The following EPB41L4A variants were observed in gnomAD, a reference collection of about 807,000 sequenced individuals.
EPB41L4A encodes the protein band 4.1-like protein 4A.
In EPB41L4A, 100 loss-of-function variants were observed where a neutral mutation model predicts 108.6. The observed-to-expected ratio is 0.92, with a 90% CI of 0.78 to 1.09. The LOEUF is 1.09. Among genes scored for constraint, EPB41L4A ranks in the 50% least tolerant of loss-of-function variants. The pLI, the probability that EPB41L4A is intolerant of heterozygous loss-of-function variation, is 0.00. For synonymous variants in EPB41L4A, 319 were observed against 289.0 expected (o/e 1.10, Z -1.05); for missense variants, 1,030 against 842.7 (o/e 1.22, Z -2.75).
chr5:112,253,219 C>T (rs1449291731), intron 9 of EPB41L4A, among the ~76,000 whole-genome samples: 1 of 152,102 alleles, frequency 6.6e-6, no homozygotes, highest in Non-Finnish European at 1.5e-5. Flanking sequence ...AACTTGACAG[C>T]CAACGAGGGA....
rs899936187 is a variant in EPB41L4A, at chr5:112,400,440, G to A, written c.99+18501C>T. Among the ~76,000 whole-genome samples, 3 of 152,060 alleles carry A rather than the reference G, an allele frequency of 2.0e-5. No homozygotes were observed. In the East Asian group the frequency reaches 5.8e-4, roughly 29 times the overall value. ...ACAGTTCTACAGGCAGTACAAGCAC[G>A]GCACAGCATCTGCTTGGCTTCTGGG... On this transcript the variant is annotated intron_variant, in intron 1 of 22. Coordinates refer to ENST00000261486, the MANE Select transcript of EPB41L4A (RefSeq NM_022140.5).
At chr5:112,276,121 C>T (rs1193267134) in intron 3 of EPB41L4A, among the ~76,000 whole-genome samples, 1 of 151,982 alleles carries the variant, frequency 6.6e-6, no homozygotes, top group South Asian at 2.1e-4. Flanking sequence ...CCTTTTTTTA[C>T]AGGAAAAAAG....
chr5:112,153,862 CTTA>C (rs1197777529), intron 12 of EPB41L4A, among the ~76,000 whole-genome samples: 2 of 150,902 alleles, frequency 1.3e-5, no homozygotes, highest in African/African-American at 2.4e-5. Flanking sequence ...AGTTTTATTA[CTTA>C]TTATTTATTA....
rs570169672 is a variant in EPB41L4A at position 112,382,404 on chromosome 5, C to T, written c.99+36537G>A. On this transcript the variant is annotated intron_variant, in intron 1 of 22. Coordinates refer to ENST00000261486, the MANE Select transcript of EPB41L4A (RefSeq NM_022140.5). ...GATGATATGACTATACCTGCAATGA[C>T]GACAAAGACTGCAGCCCAGAGTGGA... Among the ~76,000 whole-genome samples the T allele has an allele frequency of 7.2e-4, 110 of 152,146 alleles. 1 individual carries two copies. The highest frequency in any genetic ancestry group is 1.4e-3 in the Non-Finnish European group (96 of 68,042).
intron 12 of EPB41L4A, among the ~76,000 whole-genome samples, chr5:112,151,825 G>T (rs1388701801): frequency 2.0e-5 from 3 of 151,998 alleles, no homozygotes; most frequent in Non-Finnish European, 4.4e-5. Context: ...CCGCCTCCCG[G>T]ATTCAAGCTA....
intron 1 of EPB41L4A, among the ~76,000 whole-genome samples, chr5:112,371,128 T>C (rs897238659): frequency 2.6e-5 from 4 of 152,230 alleles, no homozygotes; most frequent in African/African-American, 9.6e-5. Flanking sequence ...AACTGTGGTA[T>C]AAACAATACA....
Position 112,208,244 on chromosome 5 carries a change from C to CAA in EPB41L4A, c.1178+1646_1178+1647dup, listed in dbSNP as rs68152475. Among the ~76,000 whole-genome samples, 243 of 85,032 alleles carry CAA rather than the reference C, an allele frequency of 2.9e-3. 10 individuals are homozygous for CAA. Among genetic ancestry groups the CAA allele is most frequent in the East Asian group, 8.8e-3 (23 of 2,610 alleles). 55.8% of individuals were successfully genotyped at this position (85,032 alleles called of 152,430 possible). A position where few individuals can be genotyped will look rare whatever the true frequency, so the allele number is the denominator to read the frequency against. ...CTGGCAACAGAGGGAGACTCCATCT[C>CAA]AAAAAAAAAAAAAAAAAAAGACACA... On this transcript the variant is annotated intron_variant, in intron 13 of 22. Coordinates refer to ENST00000261486, the MANE Select transcript of EPB41L4A (RefSeq NM_022140.5).
At chr5:112,418,382 T>A (rs1375748039) in intron 1 of EPB41L4A, among the ~76,000 whole-genome samples, 2 of 152,214 alleles carry the variant, frequency 1.3e-5, no homozygotes, top group Admixed American at 1.3e-4. Context: ...CTTTGAGAGA[T>A]GTTTACTTAA....
chr5:112,186,223 A>G (rs1386877578), intron 17 of EPB41L4A, among the ~76,000 whole-genome samples: 1 of 152,154 alleles, frequency 6.6e-6, no homozygotes, highest in African/African-American at 2.4e-5. Flanking sequence ...GCGTCTAAAT[A>G]TTTTTGAGAG....
chr5:112,348,718 G>A (rs1009251807), intron 1 of EPB41L4A, among the ~76,000 whole-genome samples: 3 of 152,190 alleles, frequency 2.0e-5, no homozygotes, highest in African/African-American at 7.2e-5. Flanking sequence ...CCAAATATCT[G>A]TTAGGGATTC....
At chr5:112,362,093 G>C (rs1758804588) in intron 1 of EPB41L4A, among the ~76,000 whole-genome samples, 1 of 151,954 alleles carries the variant, frequency 6.6e-6, no homozygotes, top group African/African-American at 2.4e-5. Context: ...CACAATCATA[G>C]CATTAATTTT....
At chr5:112,404,239 A>G (rs1454808018) in intron 1 of EPB41L4A, among the ~76,000 whole-genome samples, 3 of 152,234 alleles carry the variant, frequency 2.0e-5, no homozygotes, top group African/African-American at 7.2e-5. Flanking sequence ...TTTGGCATTT[A>G]CCATGTTATC....
intron 2 of EPB41L4A, among the ~76,000 whole-genome samples, chr5:112,306,300 A>T (rs1033569976): frequency 1.3e-5 from 2 of 152,150 alleles, no homozygotes; most frequent in African/African-American, 4.8e-5. Context: ...ACTTCTAAAC[A>T]TGTCTGTTCC....
rs1157451641 is a variant in EPB41L4A, at chr5:112,351,848, CA to C, written c.100-44359del. On this transcript the variant is annotated intron_variant, in intron 1 of 22. Transcript: ENST00000261486. ...GCATGCAAGGATGAGTCAATAAACG[CA>C]AATCAATAAATGTGATACGTTCCAT... is the stretch of plus-strand genomic sequence containing the variant. 5.3e-5 allele frequency among the ~76,000 whole-genome samples: 8 copies of C among 152,188 alleles called. No homozygotes were observed. The East Asian group carries it at 1.5e-3, about 29-fold the overall frequency.
intron 1 of EPB41L4A, among the ~76,000 whole-genome samples, chr5:112,319,335 T>C (rs1171370862): frequency 6.6e-6 from 1 of 152,128 alleles, no homozygotes; most frequent in African/African-American, 2.4e-5. Flanking sequence ...TGAATATAAA[T>C]ACATGTGTGA....
chr5:112,381,904 G>A (rs563116885), intron 1 of EPB41L4A, among the ~76,000 whole-genome samples: 15 of 152,246 alleles, frequency 9.9e-5, no homozygotes, highest in Non-Finnish European at 1.6e-4. Flanking sequence ...TCAGAAGACT[G>A]GGTAACCTCC....
chr5:112,187,691 C>T (rs1387401174), intron 17 of EPB41L4A, among the ~76,000 whole-genome samples: 1 of 152,202 alleles, frequency 6.6e-6, no homozygotes, highest in Non-Finnish European at 1.5e-5. Context: ...TTACACAAAT[C>T]CCCGAGTTTT....
rs59150913 is a variant in EPB41L4A, at chr5:112,176,743, CTTTTTTTTTT to C, written c.1623-5761_1623-5752del. On this transcript the variant is annotated intron_variant, in intron 18 of 22. Coordinates refer to ENST00000261486, the MANE Select transcript of EPB41L4A (RefSeq NM_022140.5). ...ATCTGCTTTTTACCCACCAGAGCAA[CTTTTTTTTTT>C]TTTTTTTTTTTTTTTTTTGAGATGG... Among the ~76,000 whole-genome samples the C allele has an allele frequency of 6.1e-5, 4 of 65,846 alleles. No homozygotes were observed. The Admixed American group carries it at 8.3e-4, about 14-fold the overall frequency. 43.2% of individuals were successfully genotyped at this position (65,846 alleles called of 152,430 possible).
chr5:112,157,887 A>G (rs1759706250), downstream of EPB41L4A, among the ~76,000 whole-genome samples: 1 of 152,190 alleles, frequency 6.6e-6, no homozygotes, highest in Admixed American at 6.5e-5. Context: ...TGTGGCTTGA[A>G]CATCCTTACA....
Sources: allele counts gnomAD v4.1 joint callset (sites outside exome capture counted in the v4.1 genomes callset), GRCh38; gene constraint gnomAD v4.1.1; transcripts MANE v1.5; gene names NCBI Gene and HGNC (gene_info 2026-07-23, HGNC 2026-07-21).